FBXO25: variants seen among roughly 807,000 people sequenced by gnomAD.
FBXO25 encodes F-box protein 25, also known as F-box only protein 25.
A neutral mutation model predicts 51.9 loss-of-function variants in FBXO25; 45 were observed. The observed-to-expected ratio is 0.87, with a 90% CI of 0.68 to 1.11. The LOEUF is 1.11. FBXO25 is among the 50% of genes most tolerant of loss of function. The pLI is 0.00. For missense variants in FBXO25, 507 were observed against 428.5 expected (o/e 1.18, Z -1.62); for synonymous variants, 199 against 151.0 (o/e 1.32, Z -2.33).
chr8:463,106 G>A lies in FBXO25; in HGVS notation c.943G>A (p.Asp315Asn). The A allele has an allele frequency of 6.2e-7, 1 of 1,613,774 alleles. No homozygotes were observed. Among genetic ancestry groups the A allele is most frequent in the Non-Finnish European group, 8.5e-7 (1 of 1,179,934 alleles). The change falls in exon 9 of 10, where the codon GAC (aspartate) becomes AAC (asparagine). Residue 315 changes from aspartate (D) to asparagine (N), a missense_variant. By Grantham distance (23) the Asp-to-Asn change is conservative (BLOSUM62 1). Coordinates refer to ENST00000350302, the MANE Select transcript of FBXO25 (RefSeq NM_183420.2). ...KHYPAKEQYG[D>N]TLHFCRHCSI... ...TTACCCAGCGAAGGAGCAGTACGGA[G>A]ACACACTGCATTTCTGTCGGCACTG... is the stretch of plus-strand genomic sequence containing the variant.
chr8:424,683 T>C (rs561442174), intron 2 of FBXO25, among the ~76,000 whole-genome samples: 2 of 152,142 alleles, frequency 1.3e-5, no homozygotes, highest in Admixed American at 1.3e-4. Flanking sequence ...GGTGTGTGGC[T>C]TTATTTCTGA....
intron 2 of FBXO25, among the ~76,000 whole-genome samples, chr8:416,543 T>C (rs995239292): frequency 6.6e-6 from 1 of 152,216 alleles, no homozygotes; most frequent in African/African-American, 2.4e-5. Context: ...ATAGGGATTT[T>C]TGTTACATGA....
chr8:446,578 T>A (rs1249156655), intron 5 of FBXO25, among the ~76,000 whole-genome samples: 2 of 152,186 alleles, frequency 1.3e-5, no homozygotes, highest in African/African-American at 2.4e-5. Flanking sequence ...CTAAATTGAT[T>A]CTAAAGTGAG....
In FBXO25 at chr8:410,967, CT is replaced by C. The variant is rs942368525; in HGVS notation, c.-7-2098del. Among the ~76,000 whole-genome samples, 223 of 151,968 alleles carry C rather than the reference CT, an allele frequency of 1.5e-3. 1 individual carries two copies. The highest frequency in any genetic ancestry group is 5.0e-3 in the African/African-American group (207 of 41,444). On this transcript the variant is annotated intron_variant, in intron 1 of 9. Coordinates refer to ENST00000350302, the MANE Select transcript of FBXO25 (RefSeq NM_183420.2). ...TGTTGAAGTCTATGTAATTTCCTTCCTTTTTTTTCTGTATCTTCTAGGATTG... is the reference window on the plus strand; with the variant it reads ...TGTTGAAGTCTATGTAATTTCCTTCCTTTTTTTCTGTATCTTCTAGGATTG...
At chr8:441,889 G>A (rs1344406435) in intron 5 of FBXO25, among the ~76,000 whole-genome samples, 1 of 152,186 alleles carries the variant, frequency 6.6e-6, no homozygotes, top group African/African-American at 2.4e-5. Flanking sequence ...GGAGAAATAG[G>A]AATGCTTTTA....
intron 7 of FBXO25, 40 bp downstream of exon 7, chr8:451,493 T>A (rs6651443): frequency 1.3e-6 from 2 of 1,569,018 alleles, no homozygotes; most frequent in Non-Finnish European, 1.7e-6. Flanking sequence ...CACTCTGTTT[T>A]TATATTACAG....
chr8:453,220 C>T (rs1799202516), intron 7 of FBXO25, among the ~76,000 whole-genome samples: 1 of 152,214 alleles, frequency 6.6e-6, no homozygotes, highest in South Asian at 2.1e-4. Flanking sequence ...GATGATAACA[C>T]AAAGGTGCCA....
At chr8:449,225 G>A (rs1242181043) in intron 5 of FBXO25, among the ~76,000 whole-genome samples, 1 of 152,174 alleles carries the variant, frequency 6.6e-6, no homozygotes, top group Non-Finnish European at 1.5e-5. Flanking sequence ...AATAAAGTGG[G>A]ACAAAAAGCA....
intron 5 of FBXO25, among the ~76,000 whole-genome samples, chr8:439,022 A>G (rs563750310): frequency 6.6e-6 from 1 of 152,200 alleles, no homozygotes; most frequent in African/African-American, 2.4e-5. Context: ...GTGTGTCCCA[A>G]CTGCAGTGAG....
chr8:435,142 T>C (rs931862349), intron 4 of FBXO25, among the ~76,000 whole-genome samples: 1 of 152,146 alleles, frequency 6.6e-6, no homozygotes, highest in Admixed American at 6.5e-5. Context: ...TCCCATGTTA[T>C]ACTTCAAACT....
At chr8:418,528 C>T (rs1796951787) in intron 2 of FBXO25, among the ~76,000 whole-genome samples, 1 of 151,846 alleles carries the variant, frequency 6.6e-6, no homozygotes. Context: ...TTAGTAGAAA[C>T]AGGGTTTCAC....
intron 5 of FBXO25, among the ~76,000 whole-genome samples, chr8:436,947 C>T (rs1798140313): frequency 1.3e-5 from 2 of 152,108 alleles, no homozygotes. Context: ...GCCCTGCTGT[C>T]TCATCTTTGG....
chr8:427,066 T>C (rs1421790074), intron 2 of FBXO25, among the ~76,000 whole-genome samples: 4 of 151,124 alleles, frequency 2.6e-5, no homozygotes, highest in Admixed American at 2.6e-4. Flanking sequence ...ACGTAAACAT[T>C]TGCCTACCAG....
chr8:418,591 C>T (rs1408451578), intron 2 of FBXO25, among the ~76,000 whole-genome samples: 5 of 152,154 alleles, frequency 3.3e-5, no homozygotes. Context: ...GCACCCGCCT[C>T]AGCCTCCCAA....
chr8:455,143 A>ATGC (rs1488662086), intron 7 of FBXO25, among the ~76,000 whole-genome samples: 1 of 152,184 alleles, frequency 6.6e-6, no homozygotes, highest in African/African-American at 2.4e-5. Flanking sequence ...AAAGTGTGTT[A>ATGC]TGCCAAATGT....
chr8:467,576 C>T (rs1800254748), intron 9 of FBXO25: 1 of 813,400 alleles, frequency 1.2e-6, no homozygotes, highest in Admixed American at 2.2e-5. Context: ...AATTTAGTTA[C>T]CTGATGTTTT....
At chr8:454,650 G>T (rs1799301842) in intron 7 of FBXO25, among the ~76,000 whole-genome samples, 1 of 152,208 alleles carries the variant, frequency 6.6e-6, no homozygotes, top group Non-Finnish European at 1.5e-5. Flanking sequence ...CCAGCACTTT[G>T]GGAGGCCGAG....
intron 8 of FBXO25, among the ~76,000 whole-genome samples, chr8:459,025 G>A (rs1036140878): frequency 7.2e-5 from 11 of 152,186 alleles, no homozygotes; most frequent in Non-Finnish European, 2.9e-5. Flanking sequence ...GTGCACGTGG[G>A]GCAGCAGAAG....
At chr8:421,042 C>T (rs151123486) in intron 2 of FBXO25, among the ~76,000 whole-genome samples, 585 of 152,338 alleles carry the variant, frequency 3.8e-3, no homozygotes, top group Non-Finnish European at 5.0e-3. Flanking sequence ...GGTACCAGTC[C>T]GTAGCCTGTT....
Sources: allele counts gnomAD v4.1 joint callset (sites outside exome capture counted in the v4.1 genomes callset), GRCh38; gene constraint gnomAD v4.1.1; transcripts MANE v1.5; gene names NCBI Gene and HGNC (gene_info 2026-07-23, HGNC 2026-07-21).